TENM3: variants seen among roughly 807,000 people sequenced by gnomAD.
The protein encoded by TENM3 is teneurin transmembrane protein 3.
A neutral mutation model predicts 255.1 loss-of-function variants in TENM3; 63 were observed. The observed-to-expected ratio is 0.25, with a 90% CI of 0.20 to 0.30. The LOEUF (loss-of-function observed/expected upper bound fraction) is 0.30, where lower values mean the gene tolerates loss of function less well. Ranked by LOEUF, TENM3 falls within the 10% of genes least tolerant of loss-of-function variation. TENM3 has a pLI of 1.00. For synonymous variants in TENM3, 1,306 were observed against 1,322.3 expected (o/e 0.99, Z 0.27); for missense variants, 2,929 against 3,461.1 (o/e 0.85, Z 3.86).
chr4:181,920,443 G>A, the TENM3 span, among the ~76,000 whole-genome samples: 37 of 152,106 alleles, frequency 2.4e-4, no homozygotes, highest in African/African-American at 7.7e-4. Context: ...GTGTGAGATG[G>A]TATCTCATTG....
At chr4:181,736,332 T>A in the TENM3 span, among the ~76,000 whole-genome samples, 3 of 152,110 alleles carry the variant, frequency 2.0e-5, no homozygotes, top group African/African-American at 7.2e-5. Context: ...ATTTCTATTC[T>A]TTCTGATCAA....
the TENM3 span, among the ~76,000 whole-genome samples, chr4:181,549,266 C>T: frequency 1.3e-5 from 2 of 152,192 alleles, no homozygotes; most frequent in Admixed American, 6.5e-5. Flanking sequence ...TCCAGGGGCA[C>T]GAACATGAAA....
the TENM3 span, among the ~76,000 whole-genome samples, chr4:181,642,239 TC>T: frequency 0.1 from 15,912 of 152,194 alleles, 909 homozygotes; most frequent in East Asian, 0.18. Flanking sequence ...TGATTTTTTT[TC>T]ATATGTTTGT....
chr4:182,673,021 T>C lies in TENM3; in HGVS notation c.1128T>C (p.Phe376=), dbSNP rs775660590. Residue 376 remains phenylalanine (F), a synonymous_variant, in exon 7 of 28, where the codon TTT becomes TTC. Coordinates refer to ENST00000511685, the MANE Select transcript of TENM3 (RefSeq NM_001080477.4). ...TACATTCAGGAAAATTAGGTGGATTTACGCAAGAAAATAACACCATAGATT... is the reference window on the plus strand; with the variant it reads ...TACATTCAGGAAAATTAGGTGGATTCACGCAAGAAAATAACACCATAGATT... ...PSGDNGKLGG[F]TQENNTIDSG... is the part of the protein sequence containing the mutation. The C allele has an allele frequency of 1.4e-5, 23 of 1,587,204 alleles. No individual in the cohort carries two copies. The highest frequency in any genetic ancestry group is 9.1e-5 in the South Asian group (8 of 87,680).
chr4:181,870,614 A>G, the TENM3 span, among the ~76,000 whole-genome samples: 2 of 152,054 alleles, frequency 1.3e-5, no homozygotes, highest in African/African-American at 4.8e-5. Flanking sequence ...TCCTTTGCCC[A>G]TTAGATATGC....
chr4:181,701,842 C>T, the TENM3 span, among the ~76,000 whole-genome samples: 1 of 152,172 alleles, frequency 6.6e-6, no homozygotes, highest in Admixed American at 6.6e-5. Context: ...CTTATCAGGA[C>T]ATCCCAATTT....
At chr4:181,909,792 G>T in the TENM3 span, among the ~76,000 whole-genome samples, 1 of 152,154 alleles carries the variant, frequency 6.6e-6, no homozygotes, top group African/African-American at 2.4e-5. Flanking sequence ...ACAGTGTATA[G>T]CATTAACCTA....
the TENM3 span, among the ~76,000 whole-genome samples, chr4:181,762,004 G>A: frequency 6.6e-6 from 1 of 152,088 alleles, no homozygotes; most frequent in African/African-American, 2.4e-5. Context: ...GTTGGTCCAT[G>A]TGGGCTCACT....
chr4:182,793,435 T>G lies in TENM3; in HGVS notation c.6763T>G (p.Tyr2255Asp), dbSNP rs1163789527. The G allele has an allele frequency of 1.3e-5, 21 of 1,613,862 alleles. No homozygotes were observed. Among genetic ancestry groups the G allele is most frequent in the Non-Finnish European group, 1.7e-5 (20 of 1,179,874 alleles). The change falls in exon 26 of 28, where the codon TAT becomes GAT. Residue 2255 changes from tyrosine to aspartate, a missense_variant. Tyr to Asp is a radical substitution (Grantham distance 160, BLOSUM62 -3). Coordinates refer to ENST00000511685, the MANE Select transcript of TENM3 (RefSeq NM_001080477.4). This position sits in a 1 kb window ranked among gnomAD's most constrained non-coding sequence, Gnocchi z 5.7. ...HLQFFYADLT[Y>D]PTRITHVYNH... ...GCAGTTTTTTTATGCTGACTTAACT[T>G]ATCCCACTAGGATTACTCATGTCTA...
At chr4:182,550,149 A>G (rs934027752) in intron 3 of TENM3, among the ~76,000 whole-genome samples, 39 of 152,372 alleles carry the variant, frequency 2.6e-4, no homozygotes, top group African/African-American at 9.4e-4. Flanking sequence ...ACGTTTAAAA[A>G]AAGTCAGCAT....
chr4:182,332,881 G>A (rs1763872947), intron 2 of TENM3, among the ~76,000 whole-genome samples: 1 of 152,002 alleles, frequency 6.6e-6, no homozygotes, highest in African/African-American at 2.4e-5. Flanking sequence ...GAAATAATGA[G>A]AACAAAAATA....
At chr4:182,305,062 G>A (rs1475832692) in intron 1 of TENM3, among the ~76,000 whole-genome samples, 3 of 151,988 alleles carry the variant, frequency 2.0e-5, no homozygotes, top group Non-Finnish European at 4.4e-5. Context: ...CCAGAAAGCT[G>A]AGCTTTGCTG....
At chr4:181,915,662 G>T in the TENM3 span, among the ~76,000 whole-genome samples, 5 of 145,936 alleles carry the variant, frequency 3.4e-5, no homozygotes, top group Non-Finnish European at 6.0e-5. Flanking sequence ...GCAGAGAGGG[G>T]AGGGGAGGAC....
the TENM3 span, among the ~76,000 whole-genome samples, chr4:182,017,502 G>A: frequency 9.9e-5 from 15 of 152,184 alleles, no homozygotes; most frequent in African/African-American, 3.4e-4. Context: ...TTACAAAGGA[G>A]TATATGATTT....
At chr4:182,018,850 C>G in the TENM3 span, among the ~76,000 whole-genome samples, 1 of 151,982 alleles carries the variant, frequency 6.6e-6, no homozygotes, top group Admixed American at 6.5e-5. Flanking sequence ...CTATAGTAAC[C>G]CTGCAAGGAT....
the TENM3 span, among the ~76,000 whole-genome samples, chr4:181,503,068 TATG>T: frequency 6.6e-6 from 1 of 152,094 alleles, no homozygotes; most frequent in Non-Finnish European, 1.5e-5. Context: ...AAATGTAAAA[TATG>T]ATCATTCAGC....
the TENM3 span, among the ~76,000 whole-genome samples, chr4:181,998,497 C>A: frequency 6.6e-6 from 1 of 152,106 alleles, no homozygotes; most frequent in African/African-American, 2.4e-5. Flanking sequence ...CAAACAGTAC[C>A]CAAATAGCCT....
the TENM3 span, among the ~76,000 whole-genome samples, chr4:181,545,273 AT>A: frequency 0.13 from 20,323 of 152,030 alleles, 1,848 homozygotes; most frequent in African/African-American, 0.24. Context: ...TTTAATGTGG[AT>A]TTTTTCCCCT....
At chr4:182,310,663 G>A (rs1319752458) in intron 1 of TENM3, among the ~76,000 whole-genome samples, 1 of 137,526 alleles carries the variant, frequency 7.3e-6, no homozygotes, top group Non-Finnish European at 1.6e-5. Context: ...TCCATGTGGG[G>A]GAAGGGTGTT....
Sources: gnomAD v4.1 joint callset for allele counts (sites outside exome capture counted in the v4.1 genomes callset) on GRCh38, gnomAD v4.1.1 for gene constraint, Gnocchi (gnomAD v3.1) non-coding constraint, MANE v1.5 for transcripts, NCBI Gene and HGNC (gene_info 2026-07-23, HGNC 2026-07-21) for gene names.